Variants in DNAH11 observed in about 807,000 individuals in gnomAD.
DNAH11 encodes dynein axonemal heavy chain 11.
In DNAH11, 442 loss-of-function variants were observed where a neutral mutation model predicts 526.0. The ratio of observed to expected loss-of-function variants is 0.84; its 90% CI spans 0.78 to 0.91. The LOEUF (loss-of-function observed/expected upper bound fraction) is 0.91, where lower values mean the gene tolerates loss of function less well. Ranked by LOEUF, DNAH11 falls within the 40% of genes least tolerant of loss-of-function variation. The probability of loss-of-function intolerance (pLI) is 0.00; values close to 1 mark genes in which losing one functional copy is unlikely to be tolerated. For missense variants in DNAH11, 6,989 were observed against 5,448.7 expected (o/e 1.28, Z -8.90); for synonymous variants, 2,461 against 1,935.9 (o/e 1.27, Z -7.12).
At chr7:21,876,176 C>T (rs189364743) in intron 74 of DNAH11, among the ~76,000 whole-genome samples, 1 of 152,162 alleles carries the variant, frequency 6.6e-6, no homozygotes, top group African/African-American at 2.4e-5. Context: ...AGCCACCGCA[C>T]CTGGCCCAAG....
chr7:21,789,808 T>TTTTCTTTCTTTCTTTCTTTCTTC (rs1788373824), intron 61 of DNAH11, among the ~76,000 whole-genome samples: 1 of 34,084 alleles, frequency 2.9e-5, no homozygotes, highest in African/African-American at 7.9e-5. Flanking sequence ...TTTCTTTCTT[T>TTTTCTTTCTTTCTTTCTTTCTTC]TTTCTTTCTT....
At chr7:21,553,293 A>G (rs1055574020) in intron 2 of DNAH11, among the ~76,000 whole-genome samples, 2 of 151,946 alleles carry the variant, frequency 1.3e-5, no homozygotes, top group Non-Finnish European at 2.9e-5. Flanking sequence ...TTGACCCAGG[A>G]TGTTAGTTTC....
intron 54 of DNAH11, among the ~76,000 whole-genome samples, chr7:21,757,729 C>T (rs981816766): frequency 2.0e-5 from 3 of 152,150 alleles, no homozygotes; most frequent in Non-Finnish European, 2.9e-5. Flanking sequence ...GCTCACACAG[C>T]GTCATGTGCA....
At chr7:21,778,859 A>G (rs1787801090) in intron 56 of DNAH11, 99 bp from the exon 57 acceptor site, 1 of 1,421,702 alleles carries the variant, frequency 7.0e-7, no homozygotes, top group African/African-American at 1.4e-5. Flanking sequence ...GCAAGATACA[A>G]ATTGTTAGAG....
chr7:21,576,943 A>T (rs1784119749), intron 8 of DNAH11, among the ~76,000 whole-genome samples: 1 of 152,192 alleles, frequency 6.6e-6, no homozygotes, highest in Admixed American at 6.5e-5. Context: ...AGTATCTGAG[A>T]AAAACAAAAC....
chr7:21,892,598 A>G lies in DNAH11; in HGVS notation c.12681A>G (p.Arg4227=), dbSNP rs200776042. ...CAGTGACATCCAACACTCTCTTCAG[A>G]ACTTTGCTGGAGATGCAGCCCAGGA... ...FLTVTSNTLF[R]TLLEMQPRNA... Residue 4227 remains arginine, a synonymous_variant, in exon 77 of 82, where the codon AGA becomes AGG. Transcript: ENST00000409508. 17 of 1,613,846 alleles carry G rather than the reference A, an allele frequency of 1.1e-5. No individual in the cohort carries two copies. Among genetic ancestry groups the G allele is most frequent in the Non-Finnish European group, 1.4e-5 (16 of 1,179,856 alleles).
At position 21,605,171 on chromosome 7, in the gene DNAH11, G is replaced by T. The variant is rs186995388; in HGVS notation, c.3649-1255G>T. The stretch of plus-strand genomic sequence containing the variant: ...ACCACACAAATAGTATTTAGACCTA[G>T]CACAGTGCGTTTTTCCATAACTGGC... On this transcript the variant is annotated intron_variant, in intron 18 of 81. Transcript: ENST00000409508. Among the ~76,000 whole-genome samples, 8 of 152,296 alleles carry T rather than the reference G, an allele frequency of 5.3e-5. No individual in the cohort carries two copies. The East Asian group carries it at 1.5e-3, about 29-fold the overall frequency.
intron 79 of DNAH11, among the ~76,000 whole-genome samples, chr7:21,898,698 A>G (rs1009451437): frequency 1.3e-5 from 2 of 152,154 alleles, no homozygotes; most frequent in African/African-American, 4.8e-5. Context: ...AACTGCAAAT[A>G]CTTCCTACCT....
intron 35 of DNAH11, among the ~76,000 whole-genome samples, chr7:21,692,776 A>G (rs1192023353): frequency 3.9e-5 from 6 of 152,226 alleles, no homozygotes; most frequent in Non-Finnish European, 8.8e-5. Context: ...TTACAAGTTT[A>G]CATCCTCACC....
chr7:21,591,074 T>A, intron 13 of DNAH11, 52 bp downstream of exon 13: 1 of 1,373,934 alleles, frequency 7.3e-7, no homozygotes, highest in Non-Finnish European at 9.6e-7. Flanking sequence ...TGAATATAAA[T>A]ATTTTGAATT....
In DNAH11 at chr7:21,897,908, C is replaced by T. The variant is rs556489301; in HGVS notation, c.13050-1428C>T. Among the ~76,000 whole-genome samples the T allele has an allele frequency of 5.3e-5, 8 of 152,346 alleles. No homozygotes were observed. In the East Asian group the frequency reaches 1.2e-3, roughly 22 times the overall value. On this transcript the variant is annotated intron_variant, in intron 79 of 81. Coordinates refer to ENST00000409508, the MANE Select transcript of DNAH11 (RefSeq NM_001277115.2). ...CTGGGATTACAGATGTGAGCCACCA[C>T]GTCTGGCCTCATTTCAGCTTTCATT...
At chr7:21,778,642 C>T (rs1348951129) in intron 56 of DNAH11, among the ~76,000 whole-genome samples, 2 of 152,098 alleles carry the variant, frequency 1.3e-5, no homozygotes, top group East Asian at 1.9e-4. Context: ...CTGCCTAGGA[C>T]CCAAAAGCAG....
At chr7:21,731,944 C>G (rs1217706971) in intron 45 of DNAH11, among the ~76,000 whole-genome samples, 2 of 152,114 alleles carry the variant, frequency 1.3e-5, no homozygotes, top group Non-Finnish European at 2.9e-5. Context: ...TTGTTAATCT[C>G]TTAGTGTACC....
chr7:21,834,259 C>T (rs367835255), intron 65 of DNAH11, among the ~76,000 whole-genome samples: 3 of 151,792 alleles, frequency 2.0e-5, no homozygotes, highest in East Asian at 3.9e-4. Context: ...AAACAACAAA[C>T]GGGTCAAAAA....
At chr7:21,895,665 C>T (rs73683006) in intron 79 of DNAH11, among the ~76,000 whole-genome samples, 20 of 152,302 alleles carry the variant, frequency 1.3e-4, no homozygotes, top group African/African-American at 4.8e-4. Context: ...CCATGAACCT[C>T]AACTATCCCT....
intron 8 of DNAH11, 143 bp from the exon 9 acceptor site, chr7:21,581,762 G>A (rs542709866): frequency 7.4e-5 from 45 of 606,166 alleles, no homozygotes; most frequent in African/African-American, 5.4e-4. Flanking sequence ...TTGAACTTCC[G>A]TAGAATGCTG....
chr7:21,824,499 G>A (rs1298196870), intron 65 of DNAH11, among the ~76,000 whole-genome samples: 1 of 152,062 alleles, frequency 6.6e-6, no homozygotes, highest in African/African-American at 2.4e-5. Flanking sequence ...TTTCTAGAAT[G>A]TGACAGGCAT....
intron 35 of DNAH11, 50 bp downstream of exon 35, chr7:21,690,931 A>T: frequency 7.2e-7 from 1 of 1,383,596 alleles, no homozygotes; most frequent in African/African-American, 1.4e-5. Context: ...ATGCCACCTA[A>T]TGTTGTTGGT....
chr7:21,565,721 T>C (rs1783639736), intron 6 of DNAH11, among the ~76,000 whole-genome samples: 1 of 152,202 alleles, frequency 6.6e-6, no homozygotes, highest in Non-Finnish European at 1.5e-5. Flanking sequence ...GCCTAGTCCA[T>C]GGCTATTGCG....
Sources: allele counts gnomAD v4.1 joint callset (sites outside exome capture counted in the v4.1 genomes callset), GRCh38; gene constraint gnomAD v4.1.1; transcripts MANE v1.5; gene names NCBI Gene and HGNC (gene_info 2026-07-23, HGNC 2026-07-21).